Variants in SAMD4A observed in about 807,000 individuals in gnomAD.
SAMD4A encodes sterile alpha motif domain containing 4A.
Under a neutral mutation model 81.3 loss-of-function variants are expected in SAMD4A, and 33 were observed. That is an observed-to-expected ratio of 0.41 (90% confidence interval 0.31 to 0.54). SAMD4A has a LOEUF of 0.54. Ranked by LOEUF, SAMD4A falls within the 20% of genes least tolerant of loss-of-function variation. The pLI, the probability that SAMD4A is intolerant of heterozygous loss-of-function variation, is 0.37. For synonymous variants in SAMD4A, 389 were observed against 382.1 expected (o/e 1.02, Z -0.21); for missense variants, 854 against 951.1 (o/e 0.90, Z 1.34).
intron 2 of SAMD4A, among the ~76,000 whole-genome samples, chr14:54,615,750 G>C (rs959621226): frequency 1.3e-5 from 2 of 151,290 alleles, no homozygotes; most frequent in Non-Finnish European, 1.5e-5. Flanking sequence ...TTTTTATTTA[G>C]TGACTTTCTT....
At chr14:54,620,698 T>C (rs931952279) in intron 2 of SAMD4A, among the ~76,000 whole-genome samples, 2 of 152,124 alleles carry the variant, frequency 1.3e-5, no homozygotes, top group African/African-American at 4.8e-5. Flanking sequence ...AACTGTGGTG[T>C]TTTCTGAGCA....
intron 3 of SAMD4A, among the ~76,000 whole-genome samples, chr14:54,727,166 CTTTTTTTTTTTTTTTTTTTTT>C (rs567831973): frequency 7.9e-4 from 47 of 59,176 alleles, no homozygotes; most frequent in South Asian, 1.7e-3. Flanking sequence ...TCTTTTTTTC[CTTTTTTTTTTTTTTTTTTTTT>C]TTTTTTTTTT....
At chr14:54,714,163 C>T (rs920763956) in intron 3 of SAMD4A, among the ~76,000 whole-genome samples, 1 of 152,156 alleles carries the variant, frequency 6.6e-6, no homozygotes, top group Admixed American at 6.5e-5. Context: ...TGACAGGTTG[C>T]TCTATGTCTT....
At chr14:54,688,296 T>C (rs551091330) in intron 2 of SAMD4A, 3 of 985,442 alleles carry the variant, frequency 3.0e-6, no homozygotes, top group South Asian at 4.7e-5. Context: ...AGCAACCGTT[T>C]AGAGGTAACG....
Position 54,653,301 on chromosome 14 carries a change from A to ATATTAT in SAMD4A, c.197-48714_197-48709dup, listed in dbSNP as rs71448404. On this transcript the variant is annotated intron_variant, in intron 2 of 12. Transcript: ENST00000554335. ...ACTTTGCCCTCAAGACTTCCTCTTA[A>ATATTAT]TATTATTATTATTATTATTATTATT... Among the ~76,000 whole-genome samples, 542 of 130,388 alleles carry ATATTAT rather than the reference A, an allele frequency of 4.2e-3. 5 individuals carry two copies. Among genetic ancestry groups the ATATTAT allele is most frequent in the African/African-American group, 5.4e-3 (188 of 34,540 alleles). 85.5% of individuals were successfully genotyped at this position (130,388 alleles called of 152,430 possible). A position where few individuals can be genotyped will look rare whatever the true frequency, so the allele number is the denominator to read the frequency against.
At chr14:54,585,190 C>G (rs2033581597) in intron 2 of SAMD4A, among the ~76,000 whole-genome samples, 1 of 152,158 alleles carries the variant, frequency 6.6e-6, no homozygotes, top group Admixed American at 6.5e-5. Flanking sequence ...CCATCATAAA[C>G]TCTTTTATGA....
rs537730748 is a variant in SAMD4A, at chr14:54,784,132, G to A, written c.2045-405G>A. On this transcript the variant is annotated intron_variant, in intron 11 of 12. Coordinates refer to ENST00000554335, the MANE Select transcript of SAMD4A (RefSeq NM_015589.6). ...CCCAGGGAACAGCGGTGCAAAGGCC[G>A]TGAGGTAGGAGGGGGCCTGGGGCAG... 1.7e-3 allele frequency: 951 copies of A among 547,924 alleles called. 15 individuals carry two copies. The highest frequency in any genetic ancestry group is 1.7e-3 in the South Asian group (79 of 45,774). The allele number at this position is 547,924 out of a possible 1,614,324, so 33.9% of individuals were successfully genotyped here.
chr14:54,757,005 T>C (rs1185109658), intron 6 of SAMD4A, among the ~76,000 whole-genome samples: 1 of 152,228 alleles, frequency 6.6e-6, no homozygotes, highest in Non-Finnish European at 1.5e-5. Context: ...TGTGGGATTA[T>C]ATTTTTGGTA....
chr14:54,662,841 A>T (rs959422566), intron 2 of SAMD4A, among the ~76,000 whole-genome samples: 5 of 152,088 alleles, frequency 3.3e-5, no homozygotes, highest in African/African-American at 1.2e-4. Context: ...TGCACACCCC[A>T]CGTTGACCCC....
At chr14:54,594,362 G>A (rs938201853) in intron 2 of SAMD4A, among the ~76,000 whole-genome samples, 1 of 151,902 alleles carries the variant, frequency 6.6e-6, no homozygotes, top group Non-Finnish European at 1.5e-5. Flanking sequence ...GATCAAGGCT[G>A]CAGTGAGCCA....
chr14:54,687,886 C>T, intron 2 of SAMD4A: 1 of 910,580 alleles, frequency 1.1e-6, no homozygotes, highest in South Asian at 5.0e-5. Context: ...GGCCACGTGT[C>T]CCTGAATGGG....
At chr14:54,578,082 T>C (rs2033356659) in intron 2 of SAMD4A, among the ~76,000 whole-genome samples, 1 of 152,224 alleles carries the variant, frequency 6.6e-6, no homozygotes, top group African/African-American at 2.4e-5. Flanking sequence ...CTGTGCCAGT[T>C]GTTTGCATAA....
chr14:54,661,667 A>C (rs2035644682), intron 2 of SAMD4A, among the ~76,000 whole-genome samples: 1 of 152,164 alleles, frequency 6.6e-6, no homozygotes, highest in African/African-American at 2.4e-5. Context: ...GTCACAGATC[A>C]CACCCAGAGA....
intron 2 of SAMD4A, among the ~76,000 whole-genome samples, chr14:54,669,049 C>T (rs776796559): frequency 5.9e-5 from 9 of 152,224 alleles, no homozygotes; most frequent in Non-Finnish European, 1.2e-4. Context: ...CTTTATCTTC[C>T]TTTAATTTAA....
chr14:54,704,770 C>G (rs146838378), intron 3 of SAMD4A, among the ~76,000 whole-genome samples: 1,960 of 152,324 alleles, frequency 0.013, 42 homozygotes, highest in African/African-American at 0.044. Context: ...TTCAAACACT[C>G]ATGACCATAT....
intron 2 of SAMD4A, 107 bp from the exon 3 acceptor site, chr14:54,701,955 A>G (rs1022754): frequency 1 from 1,216,433 of 1,221,780 alleles, 605,737 homozygotes; most frequent in East Asian, 1. Flanking sequence ...AAATATAGCC[A>G]GACTATGTAG....
At chr14:54,775,757 G>A (rs2139938608) in intron 10 of SAMD4A, among the ~76,000 whole-genome samples, 1 of 152,188 alleles carries the variant, frequency 6.6e-6, no homozygotes, top group South Asian at 2.1e-4. Flanking sequence ...GACACAAGTA[G>A]GTCTGAGGTT....
chr14:54,571,261 A>G (rs1305705706), intron 2 of SAMD4A, among the ~76,000 whole-genome samples: 4 of 152,140 alleles, frequency 2.6e-5, no homozygotes, highest in African/African-American at 4.8e-5. Flanking sequence ...ATCAGTCCCT[A>G]TGGATTTATT....
chr14:54,789,143 C>T lies in SAMD4A; in HGVS notation c.*199C>T. On this transcript the variant is annotated 3_prime_UTR_variant, in exon 13 of 13. Coordinates refer to ENST00000554335, the MANE Select transcript of SAMD4A (RefSeq NM_015589.6). ...GTAGACCTGGGGTTGGTTATTTTGTCATTTGTTTCTGTCATGGGATGGTTT... is the reference window on the plus strand; with the variant it reads ...GTAGACCTGGGGTTGGTTATTTTGTTATTTGTTTCTGTCATGGGATGGTTT... 1.9e-6 allele frequency: 1 copy of T among 534,804 alleles called. No individual in the cohort carries two copies. Among genetic ancestry groups the T allele is most frequent in the Non-Finnish European group, 3.4e-6 (1 of 292,976 alleles). 33.1% of individuals were successfully genotyped at this position (534,804 alleles called of 1,614,324 possible).
Sources: allele counts gnomAD v4.1 joint callset (sites outside exome capture counted in the v4.1 genomes callset), GRCh38; gene constraint gnomAD v4.1.1; transcripts MANE v1.5; gene names NCBI Gene and HGNC (gene_info 2026-07-23, HGNC 2026-07-21).